XPO7: variants seen among roughly 807,000 people sequenced by gnomAD.
XPO7 encodes exportin 7, also known as exportin-7.
Under a neutral mutation model 144.3 loss-of-function variants are expected in XPO7, and 21 were observed. The ratio of observed to expected loss-of-function variants is 0.15; its 90% CI spans 0.10 to 0.21. XPO7 has a LOEUF of 0.21. Among genes scored for constraint, XPO7 ranks in the 10% least tolerant of loss-of-function variants. XPO7 has a pLI of 1.00. For missense variants in XPO7, 808 were observed against 1,325.8 expected (o/e 0.61, Z 6.06); for synonymous variants, 580 against 499.6 (o/e 1.16, Z -2.15).
chr8:21,931,446 A>G (rs1240026330), intron 1 of XPO7, among the ~76,000 whole-genome samples: 3 of 152,154 alleles, frequency 2.0e-5, no homozygotes, highest in Non-Finnish European at 4.4e-5. Context: ...TACCTGGCCC[A>G]TGCCTACCTT....
chr8:21,990,137 C>T (rs1440613142), intron 16 of XPO7, among the ~76,000 whole-genome samples: 1 of 151,962 alleles, frequency 6.6e-6, no homozygotes, highest in African/African-American at 2.4e-5. Context: ...GCGTGAGCCA[C>T]CGCGCCCGGC....
intron 1 of XPO7, among the ~76,000 whole-genome samples, chr8:21,960,993 A>G (rs1274560385): frequency 6.6e-6 from 1 of 152,332 alleles, no homozygotes; most frequent in African/African-American, 2.4e-5. Context: ...AAAGTATGCA[A>G]ATTAGAAATA....
chr8:21,995,883 C>T (rs1299414759), intron 21 of XPO7, among the ~76,000 whole-genome samples: 1 of 152,056 alleles, frequency 6.6e-6, no homozygotes, highest in East Asian at 1.9e-4. Flanking sequence ...GGCACAGTCT[C>T]GGCTCACTGC....
At chr8:21,962,586 G>C (rs1010115904) in intron 1 of XPO7, among the ~76,000 whole-genome samples, 8 of 152,038 alleles carry the variant, frequency 5.3e-5, no homozygotes, top group African/African-American at 1.9e-4. Context: ...CAGTTGTTAG[G>C]ATTTTTTTCT....
chr8:21,988,919 A>C (rs1812666906), intron 15 of XPO7, 84 bp from the exon 16 acceptor site: 1 of 1,288,296 alleles, frequency 7.8e-7, no homozygotes. Flanking sequence ...ACTTTTGATG[A>C]ATGACTTTCT....
intron 1 of XPO7, among the ~76,000 whole-genome samples, chr8:21,946,785 C>T (rs1392974514): frequency 1.3e-5 from 2 of 151,686 alleles, no homozygotes; most frequent in Non-Finnish European, 2.9e-5. Context: ...CATACCTACA[C>T]ACTTTATAGT....
At chr8:22,003,446 C>A in intron 26 of XPO7, 129 bp downstream of exon 26, 2 of 666,766 alleles carry the variant, frequency 3.0e-6, no homozygotes, top group Non-Finnish European at 5.1e-6. Context: ...GGGTCATTTA[C>A]TGAGCAAGTC....
chr8:21,984,902 C>G lies in XPO7; in HGVS notation c.1471+63C>G, dbSNP rs568797047. ...GGAGATGTTGTCTAGTACCCCTTCG[C>G]TCATTGCCACCTCTTTCCTACCTCC... is the stretch of plus-strand genomic sequence containing the variant. On this transcript the variant is annotated intron_variant, in intron 12 of 27. Transcript: ENST00000252512. 1.1e-4 allele frequency: 168 copies of G among 1,538,176 alleles called. No homozygotes were observed. In the South Asian group the frequency reaches 1.8e-3, roughly 16 times the overall value.
intron 1 of XPO7, among the ~76,000 whole-genome samples, chr8:21,925,644 G>A (rs148764336): frequency 1.3e-5 from 2 of 152,238 alleles, no homozygotes; most frequent in African/African-American, 4.8e-5. Flanking sequence ...ACCATGCTAA[G>A]CCTTTTATAG....
intron 1 of XPO7, among the ~76,000 whole-genome samples, chr8:21,941,133 C>CTTTTTTTTT (rs34622488): frequency 6.9e-6 from 1 of 145,440 alleles, no homozygotes. Flanking sequence ...CTCCTATATG[C>CTTTTTTTTT]TTTTTTTTTT....
chr8:21,980,120 A>C lies in XPO7; in HGVS notation c.874A>C (p.Arg292=). 6.2e-7 allele frequency: 1 copy of C among 1,604,642 alleles called. No individual in the cohort carries two copies. Among genetic ancestry groups the C allele is most frequent in the Non-Finnish European group, 8.5e-7 (1 of 1,175,034 alleles). ...SCLVQIASVR[R]SLFNNAERAK... ...CTTGGTACAGATCGCTTCAGTCAGAAGATCCCTGTTTAACAATGCAGAGAG... is the reference window on the plus strand; with the variant it reads ...CTTGGTACAGATCGCTTCAGTCAGACGATCCCTGTTTAACAATGCAGAGAG... Residue 292 remains arginine (R), a synonymous_variant, in exon 9 of 28, where the codon AGA becomes CGA. Coordinates refer to ENST00000252512, the MANE Select transcript of XPO7 (RefSeq NM_015024.5).
intron 19 of XPO7, among the ~76,000 whole-genome samples, chr8:21,993,824 G>C (rs1342981601): frequency 3.3e-5 from 5 of 151,226 alleles, no homozygotes; most frequent in South Asian, 2.1e-4. Context: ...CTTCCTTTAG[G>C]GTATATATGG....
intron 1 of XPO7, among the ~76,000 whole-genome samples, chr8:21,929,107 A>G (rs1585414791): frequency 6.6e-6 from 1 of 152,198 alleles, no homozygotes; most frequent in Non-Finnish European, 1.5e-5. Context: ...AGTTGTACCA[A>G]CCACATTTCA....
rs181613396 is a variant in XPO7 at position 21,999,586 on chromosome 8, C to A, written c.2694C>A (p.Thr898=). 2 of 1,613,970 alleles carry A rather than the reference C, an allele frequency of 1.2e-6. No homozygotes were observed. Among genetic ancestry groups the A allele is most frequent in the African/African-American group, 2.7e-5 (2 of 75,024 alleles). The part of the protein sequence containing the change: ...QSYYSLLEVL[T]QDHMNFIASL... ...ATTATTCACTACTGGAAGTCCTGAC[C>A]CAGGACCATATGAACTTTATTGCAA... The change falls in exon 24 of 28, where the codon ACC becomes ACA. Residue 898 remains threonine, a synonymous_variant. Coordinates refer to ENST00000252512, the MANE Select transcript of XPO7 (RefSeq NM_015024.5).
intron 1 of XPO7, among the ~76,000 whole-genome samples, chr8:21,930,904 G>A (rs1457109883): frequency 6.6e-6 from 1 of 152,114 alleles, no homozygotes; most frequent in Admixed American, 6.6e-5. Flanking sequence ...TGCGATCTCC[G>A]ATCTCAGCTC....
At chr8:21,923,952 A>G (rs1810376366) in intron 1 of XPO7, among the ~76,000 whole-genome samples, 1 of 152,172 alleles carries the variant, frequency 6.6e-6, no homozygotes, top group Non-Finnish European at 1.5e-5. Flanking sequence ...TAAAACACCT[A>G]ACATTATCTC....
intron 9 of XPO7, 72 bp downstream of exon 9, chr8:21,980,275 C>G: frequency 1.3e-6 from 2 of 1,485,868 alleles, no homozygotes; most frequent in South Asian, 2.7e-5. Context: ...AGAAGGAAAT[C>G]CATCCCAAGG....
rs556599184 is a variant in XPO7, at chr8:21,947,594, C to T, written c.19-19263C>T. On this transcript the variant is annotated intron_variant, in intron 1 of 27. Coordinates refer to ENST00000252512, the MANE Select transcript of XPO7 (RefSeq NM_015024.5). ...GAGGTTTTTACATCTTGGGTGAATG[C>T]GAAAGAAACAGAGCTCTTAGAAGAT... 6.6e-5 allele frequency among the ~76,000 whole-genome samples: 10 copies of T among 152,004 alleles called. No individual in the cohort carries two copies. In the South Asian group the frequency reaches 8.3e-4, roughly 13 times the overall value.
chr8:21,970,220 T>C lies in XPO7; in HGVS notation c.336T>C (p.Tyr112=), dbSNP rs762627360. 2 of 1,613,814 alleles carry C rather than the reference T, an allele frequency of 1.2e-6. No individual in the cohort carries two copies. The highest frequency in any genetic ancestry group is 1.7e-6 in the Non-Finnish European group (2 of 1,179,862). ...TFVTQALIQL[Y]ARITKLGWFD... is the part of the protein sequence containing the mutation. ...TGACACAAGCACTTATTCAGTTATA[T>C]GCCAGAATCACAAAACTGGGCTGGT... The change falls in exon 4 of 28, where the codon TAT becomes TAC. Residue 112 remains tyrosine, a synonymous_variant. Coordinates refer to ENST00000252512, the MANE Select transcript of XPO7 (RefSeq NM_015024.5).
Sources: gnomAD v4.1 joint callset for allele counts (sites outside exome capture counted in the v4.1 genomes callset) on GRCh38, gnomAD v4.1.1 for gene constraint, MANE v1.5 for transcripts, NCBI Gene and HGNC (gene_info 2026-07-23, HGNC 2026-07-21) for gene names.